Variants in XKR9 observed in about 807,000 individuals in gnomAD.
XKR9 encodes the protein XK-related protein 9.
A neutral mutation model predicts 32.0 loss-of-function variants in XKR9; 32 were observed. The observed-to-expected ratio is 1.00, with a 90% CI of 0.76 to 1.34. The LOEUF (loss-of-function observed/expected upper bound fraction) is 1.34, where lower values mean the gene tolerates loss of function less well. Ranked by LOEUF, XKR9 falls within the 40% of genes most tolerant of loss-of-function variation. The probability of loss-of-function intolerance (pLI) is 0.00; values close to 1 mark genes in which losing one functional copy is unlikely to be tolerated. For missense variants in XKR9, 546 were observed against 429.7 expected (o/e 1.27, Z -2.39); for synonymous variants, 168 against 143.4 (o/e 1.17, Z -1.22).
At chr8:70,760,163 G>C (rs1296197731) in intron 2 of XKR9, among the ~76,000 whole-genome samples, 2 of 152,172 alleles carry the variant, frequency 1.3e-5, no homozygotes, top group Admixed American at 1.3e-4. Context: ...TTCAAATTCT[G>C]TTAGGACAAC....
chr8:70,967,498 G>T, the XKR9 span, among the ~76,000 whole-genome samples: 1 of 152,070 alleles, frequency 6.6e-6, no homozygotes, highest in Non-Finnish European at 1.5e-5. Context: ...TGGTTATTTT[G>T]CAGACTTGTT....
chr8:70,783,967 T>C (rs1169894181), intron 2 of XKR9, among the ~76,000 whole-genome samples: 2 of 152,184 alleles, frequency 1.3e-5, no homozygotes, highest in Non-Finnish European at 2.9e-5. Context: ...ACTGTCTTTT[T>C]CCAATGCGTG....
Position 70,680,922 on chromosome 8 carries a change from C to T in XKR9, c.-137C>T. ...GTGTTCCCATTTCATAATATTTATT[C>T]TTTCTTCTAAATAGATTTAGGGAGT... On this transcript the variant is annotated 5_prime_UTR_variant, in exon 3 of 5. Transcript: ENST00000408926. The T allele has an allele frequency of 2.6e-6, 2 of 762,674 alleles. No homozygotes were observed. The highest frequency in any genetic ancestry group is 2.0e-6 in the Non-Finnish European group (1 of 501,690). The allele number at this position is 762,674 out of a possible 1,614,324, so 47.2% of individuals were successfully genotyped here.
the XKR9 span, among the ~76,000 whole-genome samples, chr8:70,897,011 C>T: frequency 2.2e-4 from 33 of 152,134 alleles, no homozygotes; most frequent in Middle Eastern, 6.8e-3. Context: ...GGACCATCCC[C>T]CCTTCTTCTT....
chr8:70,794,052 G>A (rs1044210536), downstream of XKR9, among the ~76,000 whole-genome samples: 1 of 151,924 alleles, frequency 6.6e-6, no homozygotes, highest in Non-Finnish European at 1.5e-5. Flanking sequence ...GTAATTCTTA[G>A]TGTACAGTTT....
the XKR9 span, among the ~76,000 whole-genome samples, chr8:70,991,432 G>A: frequency 6.6e-6 from 1 of 152,156 alleles, no homozygotes; most frequent in Non-Finnish European, 1.5e-5. Context: ...CTGTGAAATG[G>A]GGAATTATAT....
the XKR9 span, among the ~76,000 whole-genome samples, chr8:70,980,135 G>A: frequency 2.0e-5 from 3 of 152,244 alleles, no homozygotes; most frequent in African/African-American, 7.2e-5. Flanking sequence ...TATTTAGGTG[G>A]AAGTGTCCTG....
At chr8:70,815,729 G>A in the XKR9 span, among the ~76,000 whole-genome samples, 7 of 152,102 alleles carry the variant, frequency 4.6e-5, no homozygotes, top group South Asian at 1.0e-3. Context: ...ATTTCACCGT[G>A]TTAGCCAGGA....
the XKR9 span, among the ~76,000 whole-genome samples, chr8:71,021,749 T>G: frequency 1.4e-3 from 209 of 152,086 alleles, no homozygotes; most frequent in African/African-American, 4.8e-3. Flanking sequence ...GATCCGCCCG[T>G]CTCGGCCTCC....
chr8:70,861,606 T>G, the XKR9 span, among the ~76,000 whole-genome samples: 1 of 152,070 alleles, frequency 6.6e-6, no homozygotes, highest in Admixed American at 6.6e-5. Flanking sequence ...CAGTGAGCTA[T>G]GATTGTGTCA....
At chr8:70,725,881 G>C (rs921179670) in intron 4 of XKR9, among the ~76,000 whole-genome samples, 1 of 152,048 alleles carries the variant, frequency 6.6e-6, no homozygotes, top group Admixed American at 6.5e-5. Context: ...ACTCTAGCCT[G>C]GATGACACAG....
the XKR9 span, among the ~76,000 whole-genome samples, chr8:71,059,568 A>G: frequency 1.3e-5 from 2 of 152,198 alleles, no homozygotes; most frequent in African/African-American, 2.4e-5. Context: ...TCTTAGTGCT[A>G]TTCTCTCCCT....
chr8:70,867,302 G>A, the XKR9 span, among the ~76,000 whole-genome samples: 1 of 152,104 alleles, frequency 6.6e-6, no homozygotes, highest in Admixed American at 6.5e-5. Context: ...CTCCCACCAG[G>A]TCCCTCCCAC....
chr8:70,856,299 G>GAAACAA, the XKR9 span, among the ~76,000 whole-genome samples: 1 of 152,038 alleles, frequency 6.6e-6, no homozygotes, highest in Non-Finnish European at 1.5e-5. Context: ...CAAGCAAATG[G>GAAACAA]AAAACAAAAT....
At chr8:70,695,793 A>C (rs1379771195) in intron 3 of XKR9, among the ~76,000 whole-genome samples, 1 of 149,256 alleles carries the variant, frequency 6.7e-6, no homozygotes, top group Non-Finnish European at 1.5e-5. Context: ...CAGTCCCAGC[A>C]ACAGTGTAAA....
At chr8:70,698,760 G>A (rs1805391654) in intron 3 of XKR9, among the ~76,000 whole-genome samples, 1 of 152,104 alleles carries the variant, frequency 6.6e-6, no homozygotes, top group African/African-American at 2.4e-5. Context: ...CTGTCTTGTT[G>A]ATCTGTCTAA....
chr8:70,919,652 C>T, the XKR9 span, among the ~76,000 whole-genome samples: 310 of 152,216 alleles, frequency 2.0e-3, 1 homozygote, highest in African/African-American at 7.2e-3. Flanking sequence ...ATTTCCCTGC[C>T]CTATCACAGT....
chr8:70,876,145 A>G, the XKR9 span, among the ~76,000 whole-genome samples: 1 of 152,088 alleles, frequency 6.6e-6, no homozygotes, highest in East Asian at 1.9e-4. Flanking sequence ...GAACTATTTA[A>G]GAGTCTAATA....
At chr8:70,911,181 A>C in the XKR9 span, among the ~76,000 whole-genome samples, 1 of 152,224 alleles carries the variant, frequency 6.6e-6, no homozygotes, top group Non-Finnish European at 1.5e-5. Context: ...GGGGATGGGA[A>C]TCTTGGGTGA....
Sources: allele counts gnomAD v4.1 joint callset (sites outside exome capture counted in the v4.1 genomes callset), GRCh38; gene constraint gnomAD v4.1.1; transcripts MANE v1.5; gene names NCBI Gene and HGNC (gene_info 2026-07-23, HGNC 2026-07-21).